The following GPHN variants were observed in gnomAD, a reference collection of about 807,000 sequenced individuals.
GPHN encodes gephyrin.
Under a neutral mutation model 95.5 loss-of-function variants are expected in GPHN, and 17 were observed. That is an observed-to-expected ratio of 0.18 (90% CI 0.12 to 0.27). The LOEUF (loss-of-function observed/expected upper bound fraction) is 0.27. Ranked by LOEUF, GPHN falls within the 10% of genes least tolerant of loss-of-function variation. GPHN has a pLI of 1.00. For synonymous variants in GPHN, 320 were observed against 322.5 expected (o/e 0.99, Z 0.08); for missense variants, 660 against 978.1 (o/e 0.67, Z 4.34).
the GPHN span, chr14:67,200,156 G>T: frequency 1.7e-6 from 2 of 1,155,556 alleles, no homozygotes; most frequent in South Asian, 1.6e-5. Flanking sequence ...GGTCACCCAG[G>T]TCCTATGCCT....
the GPHN span, chr14:67,575,986 T>C: frequency 3.1e-6 from 5 of 1,612,434 alleles, no homozygotes; most frequent in East Asian, 2.2e-5. Flanking sequence ...TACCTCCTCA[T>C]TGGCACCAAG....
intron 17 of GPHN, among the ~76,000 whole-genome samples, chr14:67,135,988 A>C (rs2153700400): frequency 6.6e-6 from 1 of 152,352 alleles, no homozygotes; most frequent in South Asian, 2.1e-4. Flanking sequence ...CTAAATCTTA[A>C]AATTTGAAAA....
chr14:67,648,927 G>A, the GPHN span: 3 of 152,174 alleles, frequency 2.0e-5, no homozygotes, highest in Non-Finnish European at 4.4e-5. Context: ...GAAAGGTTCA[G>A]GGCTATAGAG....
At chr14:66,887,191 G>A (rs539933741) in intron 5 of GPHN, among the ~76,000 whole-genome samples, 7 of 152,202 alleles carry the variant, frequency 4.6e-5, no homozygotes, top group South Asian at 4.1e-4. Context: ...CTTACCTAGG[G>A]GAAGGGAAAT....
chr14:66,771,979 T>C (rs2059194482), intron 2 of GPHN, among the ~76,000 whole-genome samples: 1 of 152,132 alleles, frequency 6.6e-6, no homozygotes, highest in Non-Finnish European at 1.5e-5. Context: ...TCTTTCAGAG[T>C]GTGTGGCAAT....
intron 9 of GPHN, among the ~76,000 whole-genome samples, chr14:67,019,099 A>G (rs964244124): frequency 6.6e-6 from 1 of 152,248 alleles, no homozygotes; most frequent in Non-Finnish European, 1.5e-5. Context: ...TTTTTCCTGA[A>G]GAGCTGAAAT....
intron 1 of GPHN, among the ~76,000 whole-genome samples, chr14:66,674,995 T>C (rs1398557620): frequency 1.2e-4 from 19 of 152,166 alleles, no homozygotes; most frequent in Admixed American, 1.2e-3. Flanking sequence ...TTTGATCTTT[T>C]ATAATAGCCA....
In GPHN at chr14:67,073,104, A is replaced by G. The variant is rs190915945; in HGVS notation, c.1144+14318A>G. On this transcript the variant is annotated intron_variant, in intron 11 of 22. Transcript: ENST00000478722. Reference sequence around the variant, plus strand: ...TTAATGGCCACAGTAATATTCTAACACAGGACCACTCTTTGTGGGAAAAAA... The same window carrying G: ...TTAATGGCCACAGTAATATTCTAACGCAGGACCACTCTTTGTGGGAAAAAA... Among the ~76,000 whole-genome samples the G allele has an allele frequency of 3.2e-3, 493 of 152,202 alleles. 2 individuals are homozygous for G. The highest frequency in any genetic ancestry group is 0.011 in the African/African-American group (466 of 41,538).
chr14:67,428,044 C>T, the GPHN span, among the ~76,000 whole-genome samples: 2 of 151,936 alleles, frequency 1.3e-5, no homozygotes, highest in Non-Finnish European at 2.9e-5. Context: ...GCCTCAGCCT[C>T]CTGAGTAGCT....
At chr14:67,657,220 CTTCT>C in the GPHN span, 46 of 152,274 alleles carry the variant, frequency 3.0e-4, 1 homozygote, top group African/African-American at 1.1e-3. Context: ...TGACTACATT[CTTCT>C]TTTTCAGCTT....
chr14:67,707,340 C>T, the GPHN span, among the ~76,000 whole-genome samples: 2 of 152,192 alleles, frequency 1.3e-5, no homozygotes, highest in South Asian at 4.1e-4. Context: ...TTTCTCTCTC[C>T]AGTTTCCCAT....
At chr14:66,731,906 T>TAA (rs1386187223) in intron 2 of GPHN, among the ~76,000 whole-genome samples, 1 of 152,140 alleles carries the variant, frequency 6.6e-6, no homozygotes, top group African/African-American at 2.4e-5. Context: ...CAGCCATGGC[T>TAA]AAAAGGGGCC....
chr14:66,947,128 C>T (rs2153576580), intron 8 of GPHN, among the ~76,000 whole-genome samples: 1 of 152,314 alleles, frequency 6.6e-6, no homozygotes, highest in South Asian at 2.1e-4. Context: ...CTAGGCTCTT[C>T]TCTTACCATT....
chr14:67,666,280 G>A, the GPHN span, among the ~76,000 whole-genome samples: 1 of 152,130 alleles, frequency 6.6e-6, no homozygotes, highest in African/African-American at 2.4e-5. Flanking sequence ...ATTCTCAAGA[G>A]GCAAATTCTA....
At chr14:66,614,057 T>C (rs1202424291) in intron 1 of GPHN, among the ~76,000 whole-genome samples, 1 of 152,166 alleles carries the variant, frequency 6.6e-6, no homozygotes, top group Admixed American at 6.6e-5. Context: ...CAAACTAATA[T>C]TTTGGAGAGA....
chr14:67,026,025 C>CT (rs1368463732), intron 10 of GPHN, among the ~76,000 whole-genome samples: 1 of 152,186 alleles, frequency 6.6e-6, no homozygotes, highest in Non-Finnish European at 1.5e-5. Context: ...TTCTGTGACT[C>CT]TGACTCTAAG....
the GPHN span, among the ~76,000 whole-genome samples, chr14:67,695,129 A>T: frequency 6.6e-6 from 1 of 152,120 alleles, no homozygotes; most frequent in Non-Finnish European, 1.5e-5. Flanking sequence ...CTCCTTTACA[A>T]CATCCGCCCA....
intron 1 of GPHN, among the ~76,000 whole-genome samples, chr14:66,679,170 G>C (rs2066794258): frequency 6.6e-6 from 1 of 152,326 alleles, no homozygotes; most frequent in South Asian, 2.1e-4. Context: ...GAGTTCACAG[G>C]TGGCACACAT....
At chr14:67,431,777 C>T in the GPHN span, among the ~76,000 whole-genome samples, 1 of 152,134 alleles carries the variant, frequency 6.6e-6, no homozygotes. Context: ...CCAGAAGCTC[C>T]CACATGGAAA....
Sources: gnomAD v4.1 joint callset for allele counts (sites outside exome capture counted in the v4.1 genomes callset) on GRCh38, gnomAD v4.1.1 for gene constraint, MANE v1.5 for transcripts, NCBI Gene and HGNC (gene_info 2026-07-23, HGNC 2026-07-21) for gene names.